Variants in EPB41L5 observed in about 807,000 individuals in gnomAD.
EPB41L5 encodes band 4.1-like protein 5.
In EPB41L5, 55 loss-of-function variants were observed where a neutral mutation model predicts 106.6. The observed-to-expected ratio is 0.52, with a 90% confidence interval of 0.42 to 0.65. The LOEUF (loss-of-function observed/expected upper bound fraction) is 0.65, where lower values mean the gene tolerates loss of function less well. Among genes scored for constraint, EPB41L5 ranks in the 30% least tolerant of loss-of-function variants. EPB41L5 has a pLI of 0.00. For missense variants in EPB41L5, 871 were observed against 882.1 expected (o/e 0.99, Z 0.16); for synonymous variants, 297 against 306.7 (o/e 0.97, Z 0.33).
chr2:120,100,433 A>G (rs1160100008), intron 15 of EPB41L5, 147 bp downstream of exon 15: 3 of 786,522 alleles, frequency 3.8e-6, no homozygotes, highest in Non-Finnish European at 6.2e-6. Context: ...TGGTTCAGTA[A>G]TAACTTCCGG....
At chr2:120,153,291 T>A (rs552549240) in intron 20 of EPB41L5, among the ~76,000 whole-genome samples, 1 of 152,282 alleles carries the variant, frequency 6.6e-6, no homozygotes, top group Non-Finnish European at 1.5e-5. Flanking sequence ...TTATGAATTT[T>A]CCAGTTTTCC....
chr2:120,032,676 T>C (rs888316875), intron 2 of EPB41L5, among the ~76,000 whole-genome samples: 1 of 152,234 alleles, frequency 6.6e-6, no homozygotes, highest in Non-Finnish European at 1.5e-5. Context: ...TGTTTTTATC[T>C]AGGTTAACAG....
intron 14 of EPB41L5, among the ~76,000 whole-genome samples, chr2:120,097,896 T>C (rs1278101117): frequency 1.3e-5 from 2 of 152,214 alleles, no homozygotes; most frequent in South Asian, 2.1e-4. Flanking sequence ...ACATCACTTA[T>C]AAATATTTTG....
intron 18 of EPB41L5, among the ~76,000 whole-genome samples, chr2:120,140,165 G>A (rs988941777): frequency 6.6e-6 from 1 of 152,032 alleles, no homozygotes; most frequent in Non-Finnish European, 1.5e-5. Flanking sequence ...TATGGAGGGT[G>A]TGGGGAAAAG....
chr2:120,076,823 G>T (rs997574803), intron 7 of EPB41L5, 148 bp from the exon 8 acceptor site: 2 of 644,202 alleles, frequency 3.1e-6, no homozygotes, highest in East Asian at 2.9e-5. Context: ...TAATATGCCA[G>T]ATTTACTTTT....
chr2:120,116,981 A>G (rs527700914), intron 16 of EPB41L5, among the ~76,000 whole-genome samples: 1 of 152,180 alleles, frequency 6.6e-6, no homozygotes, highest in Non-Finnish European at 1.5e-5. Flanking sequence ...AATAATAAAA[A>G]CATCTTGGAT....
Position 120,167,517 on chromosome 2 carries a change from T to G in EPB41L5, c.2004+10T>G. The G allele has an allele frequency of 6.2e-7, 1 of 1,613,524 alleles. No individual in the cohort carries two copies. Among genetic ancestry groups the G allele is most frequent in the Non-Finnish European group, 8.5e-7 (1 of 1,179,416 alleles). ...CCGGTGGATTGTTCCGGTAAGTTCATGTTATTTGTGATTTTTCTTCTGGCT... is the reference window on the plus strand; with the variant it reads ...CCGGTGGATTGTTCCGGTAAGTTCAGGTTATTTGTGATTTTTCTTCTGGCT... On this transcript the variant is annotated intron_variant, in intron 23 of 24. Transcript: ENST00000263713.
At position 120,090,338 on chromosome 2, in the gene EPB41L5, C is replaced by A. The variant is rs372376015; in HGVS notation, c.874-9C>A. ...TAATCATCCTTTTATATATACTTTT[C>A]TTTTTCAGGGCAAAGAACAGGAACA... On this transcript the variant is annotated splice_polypyrimidine_tract_variant and intron_variant, in intron 11 of 24. Transcript: ENST00000263713. 1.4e-5 allele frequency: 22 copies of A among 1,581,558 alleles called. No individual in the cohort carries two copies. The African/African-American group carries it at 2.7e-4, about 20-fold the overall frequency.
At chr2:120,158,748 G>C (rs1340116580) in intron 20 of EPB41L5, among the ~76,000 whole-genome samples, 1 of 152,160 alleles carries the variant, frequency 6.6e-6, no homozygotes, top group Non-Finnish European at 1.5e-5. Context: ...GAGCAATCAG[G>C]CTGGAGAAAG....
At chr2:120,164,000 T>TTTTTTTC (rs1558915861) in intron 21 of EPB41L5, among the ~76,000 whole-genome samples, 4 of 133,690 alleles carry the variant, frequency 3.0e-5, no homozygotes, top group African/African-American at 1.1e-4. Flanking sequence ...TTTTTTTTTT[T>TTTTTTTC]GAGATGGAGT....
intron 14 of EPB41L5, among the ~76,000 whole-genome samples, chr2:120,099,774 T>A (rs1684021735): frequency 6.6e-6 from 1 of 152,166 alleles, no homozygotes; most frequent in Non-Finnish European, 1.5e-5. Flanking sequence ...GAGAGGAAGG[T>A]GTACACAGAG....
chr2:120,120,134 A>G (rs893645883), intron 16 of EPB41L5, among the ~76,000 whole-genome samples: 8 of 152,174 alleles, frequency 5.3e-5, no homozygotes, highest in African/African-American at 1.9e-4. Flanking sequence ...TATGATAAAA[A>G]TATGTGACAG....
rs750926304 is a variant in EPB41L5, at chr2:120,164,860, T to C, written c.1912T>C (p.Leu638=). 21 of 1,612,656 alleles carry C rather than the reference T, an allele frequency of 1.3e-5. No individual in the cohort carries two copies. The South Asian group carries it at 2.3e-4, about 18-fold the overall frequency. ...LKEATDELDA[L]LASLTENLID... ...GGAAGCTACAGATGAATTGGATGCC[T>C]TGCTTGCATCTCTAACTGAGAATCT... Residue 638 remains leucine, a synonymous_variant, in exon 22 of 25, where the codon TTG becomes CTG. Transcript: ENST00000263713.
At chr2:120,061,226 T>TG (rs1351115858) in intron 3 of EPB41L5, among the ~76,000 whole-genome samples, 4 of 140,204 alleles carry the variant, frequency 2.9e-5, no homozygotes, top group Admixed American at 7.3e-5. Context: ...ATTTTTTTTT[T>TG]TATTTTTTTT....
chr2:120,137,050 G>A (rs180809945), intron 18 of EPB41L5, among the ~76,000 whole-genome samples: 1 of 152,030 alleles, frequency 6.6e-6, no homozygotes, highest in African/African-American at 2.4e-5. Context: ...AATAAAACTA[G>A]AAATCAATAA....
At chr2:120,128,687 CAA>C (rs750928775) in intron 17 of EPB41L5, among the ~76,000 whole-genome samples, 1 of 149,722 alleles carries the variant, frequency 6.7e-6, no homozygotes, top group Non-Finnish European at 1.5e-5. Context: ...TAACTACAAA[CAA>C]ATGTTCTGGT....
chr2:120,032,258 A>G (rs1678763361), intron 2 of EPB41L5, among the ~76,000 whole-genome samples: 2 of 152,108 alleles, frequency 1.3e-5, no homozygotes, highest in Admixed American at 1.3e-4. Context: ...GGCGCCTGTA[A>G]TCCCAGCTAC....
chr2:120,062,078 C>T (rs2105285446), intron 3 of EPB41L5, among the ~76,000 whole-genome samples: 1 of 152,162 alleles, frequency 6.6e-6, no homozygotes, highest in Non-Finnish European at 1.5e-5. Context: ...CTACTATTAC[C>T]ATTGCTACTT....
chr2:120,059,738 A>C (rs1680898876), intron 3 of EPB41L5, among the ~76,000 whole-genome samples: 1 of 151,614 alleles, frequency 6.6e-6, no homozygotes, highest in African/African-American at 2.4e-5. Context: ...CCTTGTCTCT[A>C]CAAAAAAAAA....
Sources: allele counts gnomAD v4.1 joint callset (sites outside exome capture counted in the v4.1 genomes callset), GRCh38; gene constraint gnomAD v4.1.1; transcripts MANE v1.5; gene names NCBI Gene and HGNC (gene_info 2026-07-23, HGNC 2026-07-21).